The following TRPS1 variants were observed in gnomAD, a reference collection of about 807,000 sequenced individuals.
TRPS1 encodes the protein transcriptional repressor GATA binding 1, also known as zinc finger transcription factor Trps1.
A neutral mutation model predicts 101.2 loss-of-function variants in TRPS1; 6 were observed. That is an observed-to-expected ratio of 0.06 (90% CI 0.03 to 0.12). TRPS1 has a LOEUF of 0.12. TRPS1 is among the 10% of genes least tolerant of loss of function. The pLI is 1.00. For missense variants in TRPS1, 1,363 were observed against 1,567.0 expected (o/e 0.87, Z 2.20); for synonymous variants, 578 against 589.8 (o/e 0.98, Z 0.29).
intron 3 of TRPS1, among the ~76,000 whole-genome samples, chr8:115,615,718 GC>G (rs1332214347): frequency 6.6e-6 from 1 of 152,084 alleles, no homozygotes; most frequent in Non-Finnish European, 1.5e-5. Flanking sequence ...CTGAGACCAT[GC>G]CACTGCACTC....
intron 5 of TRPS1, among the ~76,000 whole-genome samples, chr8:115,463,724 A>G (rs1044107909): frequency 7.9e-5 from 12 of 152,278 alleles, no homozygotes; most frequent in Admixed American, 2.0e-4. Context: ...TTTAAATTTA[A>G]AAATAATTTA....
intron 1 of TRPS1, among the ~76,000 whole-genome samples, chr8:115,637,716 A>G (rs1295136679): frequency 2.0e-5 from 3 of 152,212 alleles, no homozygotes; most frequent in African/African-American, 7.2e-5. Flanking sequence ...TATCCCATAA[A>G]TGAGTAGGTG....
In TRPS1 at chr8:115,418,643, AT is replaced by A. The variant is rs777502160; in HGVS notation, c.2701-192del. On this transcript the variant is annotated intron_variant, in intron 5 of 6. Coordinates refer to ENST00000395715, the MANE Select transcript of TRPS1 (RefSeq NM_014112.5). This position sits in a 1 kb window ranked among gnomAD's most constrained non-coding sequence, Gnocchi z 4.3. ...TTTCATTATAATTAACCCTACAGTG[AT>A]GGATGAGGTGTGTGGAACACCAAAG... Among the ~76,000 whole-genome samples the A allele has an allele frequency of 1.3e-5, 2 of 152,212 alleles. No individual in the cohort carries two copies. Among genetic ancestry groups the A allele is most frequent in the Admixed American group, 1.3e-4 (2 of 15,284 alleles).
rs201618790 is a variant in TRPS1, at chr8:115,604,112, C to T, written c.1857G>A (p.Ala619=). 1.4e-4 allele frequency: 223 copies of T among 1,614,016 alleles called. 1 individual carries two copies. Among genetic ancestry groups the T allele is most frequent in the Admixed American group, 9.5e-4 (57 of 59,982 alleles). Residue 619 remains alanine, a synonymous_variant, in exon 4 of 7, where the codon GCG becomes GCA. Transcript: ENST00000395715. This position sits in a 1 kb window ranked among gnomAD's most constrained non-coding sequence, Gnocchi z 4.1. ...ALLLLHLSPG[A]AGSSRVKHQC... is the part of the protein sequence containing the mutation. ...GATGTTTGACTCGCGAGCTTCCAGC[C>T]GCCCCAGGAGACAAGTGCAGAAGCA...
intron 5 of TRPS1, among the ~76,000 whole-genome samples, chr8:115,541,125 C>T (rs1486630047): frequency 6.6e-6 from 1 of 152,160 alleles, no homozygotes; most frequent in Non-Finnish European, 1.5e-5. Context: ...GGTGAACGTA[C>T]AGGTCAACTA....
intron 5 of TRPS1, among the ~76,000 whole-genome samples, chr8:115,430,438 C>T (rs537538540): frequency 2.2e-3 from 314 of 144,542 alleles, no homozygotes; most frequent in Non-Finnish European, 3.3e-3. Context: ...GCTACTGCCA[C>T]TTTGGAGTGT....
rs1460762540 is a variant in TRPS1 at position 115,604,178 on chromosome 8, C to T, written c.1791G>A (p.Pro597=). The change falls in exon 4 of 7, where the codon CCG becomes CCA. Residue 597 remains proline (P), a synonymous_variant. Transcript: ENST00000395715. The surrounding 1 kb of genome is among the most constrained non-coding windows in gnomAD (Gnocchi z 4.1). ...PEKHLGEITY[P]FACRKSNCSH... is the part of the protein sequence containing the mutation. The stretch of plus-strand genomic sequence containing the variant: ...AACAATTACTTTTTCTACAAGCAAA[C>T]GGATAAGTAATTTCTCCAAGGTGCT... 18 of 1,614,050 alleles carry T rather than the reference C, an allele frequency of 1.1e-5. No homozygotes were observed. The highest frequency in any genetic ancestry group is 4.4e-5 in the South Asian group (4 of 91,088).
Position 115,604,595 on chromosome 8 carries a change from T to C in TRPS1, c.1374A>G (p.Ser458=). 6.2e-7 allele frequency: 1 copy of C among 1,614,094 alleles called. No homozygotes were observed. The highest frequency in any genetic ancestry group is 8.5e-7 in the Non-Finnish European group (1 of 1,179,998). ...WCKFCSFSCE[S]SSSLKLLEHY... ...GTTCTAGCAGTTTAAGTGAGCTAGA[T>C]GACTCACAGCTGAAACTACAAAATT... The change falls in exon 4 of 7, where the codon TCA becomes TCG. Residue 458 remains serine, a synonymous_variant. Transcript: ENST00000395715. The surrounding 1 kb of genome is among the most constrained non-coding windows in gnomAD (Gnocchi z 4.1).
At chr8:115,457,925 G>A (rs1175508915) in intron 5 of TRPS1, among the ~76,000 whole-genome samples, 2 of 152,160 alleles carry the variant, frequency 1.3e-5, no homozygotes, top group African/African-American at 2.4e-5. Context: ...TGTGTGTTAG[G>A]TGTAGACATC....
intron 5 of TRPS1, among the ~76,000 whole-genome samples, chr8:115,560,390 A>G (rs988756221): frequency 6.6e-6 from 1 of 152,122 alleles, no homozygotes; most frequent in African/African-American, 2.4e-5. Flanking sequence ...GAAAAGAAAC[A>G]AAGACTGTTT....
intron 5 of TRPS1, among the ~76,000 whole-genome samples, chr8:115,519,635 A>G (rs11315823): frequency 6.6e-6 from 1 of 151,416 alleles, no homozygotes; most frequent in African/African-American, 2.4e-5. Flanking sequence ...GTCAGAAAAT[A>G]CAGGATACAT....
intron 5 of TRPS1, among the ~76,000 whole-genome samples, chr8:115,546,264 A>C (rs1816567902): frequency 6.6e-6 from 1 of 151,902 alleles, no homozygotes. Flanking sequence ...ATATATATTT[A>C]AAAAGCATTT....
At chr8:115,487,673 T>C (rs915434524) in intron 5 of TRPS1, among the ~76,000 whole-genome samples, 2 of 152,302 alleles carry the variant, frequency 1.3e-5, no homozygotes, top group Admixed American at 6.5e-5. Context: ...TAAGTAACTA[T>C]AGATTTGGTG....
chr8:115,419,852 T>A (rs1167205553), intron 5 of TRPS1, among the ~76,000 whole-genome samples: 1 of 152,228 alleles, frequency 6.6e-6, no homozygotes, highest in East Asian at 1.9e-4. Context: ...CTAATTATGA[T>A]CTTGCAATTG....
chr8:115,456,137 C>A (rs1028398934), intron 5 of TRPS1, among the ~76,000 whole-genome samples: 14 of 152,050 alleles, frequency 9.2e-5, no homozygotes, highest in Non-Finnish European at 1.8e-4. Context: ...ATACAACATA[C>A]AAAATATAGA....
chr8:115,542,173 G>A (rs192323896), intron 5 of TRPS1, among the ~76,000 whole-genome samples: 2 of 152,236 alleles, frequency 1.3e-5, no homozygotes, highest in Non-Finnish European at 2.9e-5. Flanking sequence ...ATTCAAATGA[G>A]CGCCTTGATT....
At position 115,459,090 on chromosome 8, in the gene TRPS1, C is replaced by CA. The variant is rs1466096556; in HGVS notation, c.2701-40639dup. Reference sequence around the variant, plus strand: ...TGGTGGCTCATGCCTGTAATCCCAGCACTTTGGGAGGCCAAGGCAGGCAGA... The same window carrying CA: ...TGGTGGCTCATGCCTGTAATCCCAGCAACTTTGGGAGGCCAAGGCAGGCAGA... On this transcript the variant is annotated intron_variant, in intron 5 of 6. Transcript: ENST00000395715. Among the ~76,000 whole-genome samples the CA allele has an allele frequency of 3.3e-5, 5 of 152,244 alleles. No individual in the cohort carries two copies. The East Asian group carries it at 9.7e-4, about 29-fold the overall frequency.
At chr8:115,551,118 G>C (rs1289695962) in intron 5 of TRPS1, among the ~76,000 whole-genome samples, 3 of 152,046 alleles carry the variant, frequency 2.0e-5, no homozygotes, top group African/African-American at 7.2e-5. Context: ...AAGTAAAAAG[G>C]CCACTTCACC....
intron 5 of TRPS1, among the ~76,000 whole-genome samples, chr8:115,456,090 G>A (rs1412705547): frequency 6.6e-6 from 1 of 151,996 alleles, no homozygotes; most frequent in Non-Finnish European, 1.5e-5. Context: ...ACGGTGCCTG[G>A]CCATGGCTTC....
Sources: gnomAD v4.1 joint callset for allele counts (sites outside exome capture counted in the v4.1 genomes callset) on GRCh38, gnomAD v4.1.1 for gene constraint, Gnocchi (gnomAD v3.1) non-coding constraint, MANE v1.5 for transcripts, NCBI Gene and HGNC (gene_info 2026-07-23, HGNC 2026-07-21) for gene names.